Variants in BBOF1 observed in about 807,000 individuals in gnomAD.
BBOF1 encodes basal body-orientation factor 1.
A neutral mutation model predicts 68.0 loss-of-function variants in BBOF1; 62 were observed. The ratio of observed to expected loss-of-function variants is 0.91; its 90% CI spans 0.74 to 1.13. The LOEUF (loss-of-function observed/expected upper bound fraction) is 1.13, where lower values mean the gene tolerates loss of function less well. Ranked by LOEUF, BBOF1 falls within the 50% of genes most tolerant of loss-of-function variation. The pLI is 0.00. For synonymous variants in BBOF1, 208 were observed against 198.8 expected (o/e 1.05, Z -0.39); for missense variants, 534 against 600.1 (o/e 0.89, Z 1.15).
chr14:74,082,393 GTTTTTTTT>G (rs869211328), intron 12 of BBOF1, among the ~76,000 whole-genome samples: 1 of 77,568 alleles, frequency 1.3e-5, no homozygotes, highest in Non-Finnish European at 2.4e-5. Flanking sequence ...CAAAATCGAG[GTTTTTTTT>G]TTTTTTTTTT....
At chr14:74,028,407 G>A (rs1347351739) in intron 2 of BBOF1, among the ~76,000 whole-genome samples, 3 of 150,564 alleles carry the variant, frequency 2.0e-5, no homozygotes, top group Non-Finnish European at 4.4e-5. Context: ...AATAGATACT[G>A]AAGTCTTCTG....
At chr14:74,075,051 G>C (rs770359912) in intron 9 of BBOF1, 27 of 1,603,060 alleles carry the variant, frequency 1.7e-5, no homozygotes, top group Non-Finnish European at 2.2e-5. Context: ...TTTGATAAAT[G>C]AGAGCAGAAA....
chr14:74,071,543 G>A (rs2060549014), intron 9 of BBOF1: 1 of 1,611,516 alleles, frequency 6.2e-7, no homozygotes. Flanking sequence ...CTGTGTACTA[G>A]TTAGCTTTGT....
intron 11 of BBOF1, chr14:74,057,924 A>G (rs2060255229): frequency 1.0e-6 from 1 of 987,612 alleles, no homozygotes; most frequent in African/African-American, 1.8e-5. Flanking sequence ...ATTTCCCTTA[A>G]ATATAAGGAA....
At chr14:74,072,209 T>A in intron 9 of BBOF1, 9 of 1,614,212 alleles carry the variant, frequency 5.6e-6, no homozygotes, top group Non-Finnish European at 7.6e-6. Context: ...ATACCAAGTT[T>A]TCTTTAATAA....
chr14:74,052,345 G>A (rs975715687), intron 8 of BBOF1, among the ~76,000 whole-genome samples: 4 of 151,640 alleles, frequency 2.6e-5, no homozygotes, highest in Non-Finnish European at 5.9e-5. Flanking sequence ...AGAAATGGTG[G>A]TTAACATATT....
intron 8 of BBOF1, among the ~76,000 whole-genome samples, chr14:74,050,545 G>A (rs776459417): frequency 6.6e-6 from 1 of 152,064 alleles, no homozygotes; most frequent in Non-Finnish European, 1.5e-5. Context: ...ATAAAAGCCT[G>A]ATTAGATTCA....
Position 74,064,678 on chromosome 14 carries a change from T to C in BBOF1, c.1579-10T>C, listed in dbSNP as rs368475916. On this transcript the variant is annotated splice_polypyrimidine_tract_variant and intron_variant, in intron 11 of 11. Transcript: ENST00000394009. ...TGGCAAAATTTTGTTAACTTTTAAA[T>C]CTTTTTTAGGGAACCTTCTGAGAAG... is the stretch of plus-strand genomic sequence containing the variant. 66 of 1,613,984 alleles carry C rather than the reference T, an allele frequency of 4.1e-5. No individual in the cohort carries two copies. Among genetic ancestry groups the C allele is most frequent in the Middle Eastern group, 3.3e-4 (2 of 6,066 alleles).
At chr14:74,032,769 G>C (rs2059605599) in intron 3 of BBOF1, among the ~76,000 whole-genome samples, 1 of 152,130 alleles carries the variant, frequency 6.6e-6, no homozygotes, top group Admixed American at 6.6e-5. Context: ...TGGGATTACA[G>C]GTGTGAGCCA....
chr14:74,068,973 A>G, downstream of BBOF1: 2 of 1,613,952 alleles, frequency 1.2e-6, no homozygotes, highest in South Asian at 2.2e-5. Flanking sequence ...TCGCAAATAA[A>G]ATTTACAGCT....
At chr14:74,027,164 G>A (rs190467367) in intron 2 of BBOF1, among the ~76,000 whole-genome samples, 1 of 130,652 alleles carries the variant, frequency 7.7e-6, no homozygotes, top group Admixed American at 9.5e-5. Context: ...TTGGCTCACT[G>A]CAACCTCAAA....
chr14:74,062,247 T>C (rs771355115), intron 11 of BBOF1, among the ~76,000 whole-genome samples: 1 of 151,840 alleles, frequency 6.6e-6, no homozygotes, highest in Non-Finnish European at 1.5e-5. Flanking sequence ...TTTTAAACAA[T>C]AGTTGTACTC....
In BBOF1 at chr14:74,057,868, C is replaced by G. The variant is rs2060253320; in HGVS notation, c.1578+610C>G. 9.7e-7 allele frequency: 1 copy of G among 1,033,432 alleles called. No individual in the cohort carries two copies. The highest frequency in any genetic ancestry group is 1.2e-6 in the Non-Finnish European group (1 of 858,836). The allele number at this position is 1,033,432 out of a possible 1,614,324, so 64.0% of individuals were successfully genotyped here. Reference sequence around the variant, plus strand: ...AAATAGTTGGCCAGATGAGTTGTTTCTAATTAGAGCATCACAGTTCTGATT... The same window carrying G: ...AAATAGTTGGCCAGATGAGTTGTTTGTAATTAGAGCATCACAGTTCTGATT... On this transcript the variant is annotated intron_variant, in intron 11 of 11. Coordinates refer to ENST00000394009, the MANE Select transcript of BBOF1 (RefSeq NM_025057.3).
chr14:74,049,325 A>G (rs1314497992), intron 7 of BBOF1, among the ~76,000 whole-genome samples: 1 of 152,106 alleles, frequency 6.6e-6, no homozygotes, highest in Non-Finnish European at 1.5e-5. Flanking sequence ...CATAAAACTT[A>G]AATCTCATGA....
At chr14:74,046,001 G>A in intron 5 of BBOF1, 59 bp from the exon 6 acceptor site, 1 of 1,437,082 alleles carries the variant, frequency 7.0e-7, no homozygotes, top group Non-Finnish European at 9.5e-7. Context: ...AATATCTTTT[G>A]ATGAGTAAAA....
chr14:74,061,102 C>A (rs1156271478), intron 11 of BBOF1, among the ~76,000 whole-genome samples: 1 of 144,864 alleles, frequency 6.9e-6, no homozygotes, highest in East Asian at 2.1e-4. Flanking sequence ...CTCAGCCTCT[C>A]GAGTAGCTGG....
Position 74,027,194 on chromosome 14 carries a change from T to C in BBOF1, c.286-1990T>C, listed in dbSNP as rs1329092973. 4.1e-5 allele frequency among the ~76,000 whole-genome samples: 6 copies of C among 147,156 alleles called. No homozygotes were observed. The Admixed American group carries it at 4.2e-4, about 10-fold the overall frequency. ...CTCAAAGGATCACTGCAAAGGATTC[T>C]CCTGCCTCAGCATCCTGAGTAGCTG... On this transcript the variant is annotated intron_variant, in intron 2 of 11. Coordinates refer to ENST00000394009, the MANE Select transcript of BBOF1 (RefSeq NM_025057.3).
chr14:74,029,133 A>G, intron 2 of BBOF1, 51 bp from the exon 3 acceptor site: 1 of 1,126,392 alleles, frequency 8.9e-7, no homozygotes, highest in Non-Finnish European at 1.3e-6. Context: ...ATAAAGGTAG[A>G]CATAGAGCAG....
intron 11 of BBOF1, chr14:74,058,596 C>T (rs1595098191): frequency 6.8e-6 from 1 of 146,084 alleles, no homozygotes; most frequent in East Asian, 2.0e-4. Context: ...TTTTCAAGGT[C>T]TTTTTTTTTT....
Sources: gnomAD v4.1 joint callset for allele counts (sites outside exome capture counted in the v4.1 genomes callset) on GRCh38, gnomAD v4.1.1 for gene constraint, MANE v1.5 for transcripts, NCBI Gene and HGNC (gene_info 2026-07-23, HGNC 2026-07-21) for gene names.